Variants in NCOA3 observed in about 807,000 individuals in gnomAD.
NCOA3 encodes CBP-interacting protein.
NCOA3 carries 51 observed loss-of-function variants against 158.8 expected under a neutral mutation model. The ratio of observed to expected loss-of-function variants is 0.32; its 90% confidence interval spans 0.26 to 0.41. The LOEUF (loss-of-function observed/expected upper bound fraction) is 0.41. Among genes scored for constraint, NCOA3 ranks in the 10% least tolerant of loss-of-function variants. The pLI is 1.00. For missense variants in NCOA3, 1,510 were observed against 1,746.6 expected (o/e 0.86, Z 2.41); for synonymous variants, 537 against 592.4 (o/e 0.91, Z 1.36).
chr20:47,608,489 A>G (rs2085986346), intron 2 of NCOA3, among the ~76,000 whole-genome samples: 2 of 151,944 alleles, frequency 1.3e-5, no homozygotes, highest in Admixed American at 1.3e-4. Context: ...AATTAAAAAA[A>G]TCAGCTGGGC....
intron 6 of NCOA3, among the ~76,000 whole-genome samples, 156 bp from the exon 7 acceptor site, chr20:47,627,405 T>C (rs1293696256): frequency 6.6e-6 from 1 of 152,216 alleles, no homozygotes; most frequent in African/African-American, 2.4e-5. Flanking sequence ...AAAGTTGAAA[T>C]TATTCACATG....
At chr20:47,599,669 A>G (rs1485341565) in intron 2 of NCOA3, among the ~76,000 whole-genome samples, 1 of 152,224 alleles carries the variant, frequency 6.6e-6, no homozygotes, top group Non-Finnish European at 1.5e-5. Context: ...AAGGTTTCCT[A>G]TCTCAAACAT....
chr20:47,504,247 C>CA (rs1444715385), intron 1 of NCOA3, among the ~76,000 whole-genome samples: 1 of 152,094 alleles, frequency 6.6e-6, no homozygotes, highest in Non-Finnish European at 1.5e-5. Context: ...TTATGCTGTG[C>CA]ATTTCCTTCT....
intron 2 of NCOA3, among the ~76,000 whole-genome samples, chr20:47,605,889 A>G (rs904628402): frequency 2.3e-4 from 35 of 152,324 alleles, no homozygotes; most frequent in African/African-American, 7.9e-4. Context: ...GGAAGTCTCC[A>G]TGTTCTTTTG....
chr20:47,651,860 G>C lies in NCOA3; in HGVS notation c.3947-546G>C, dbSNP rs2086799887. 4.0e-5 allele frequency among the ~76,000 whole-genome samples: 6 copies of C among 151,820 alleles called. No homozygotes were observed. In the South Asian group the frequency reaches 1.3e-3, roughly 32 times the overall value. On this transcript the variant is annotated intron_variant, in intron 20 of 22. Transcript: ENST00000371998. ...TTTTTAAATTTTTAATAGAGACGGG[G>C]TTTCACTGTGTTAGCCAGGATGGTC...
chr20:47,601,406 A>G (rs1424859547), intron 2 of NCOA3, among the ~76,000 whole-genome samples: 1 of 152,254 alleles, frequency 6.6e-6, no homozygotes, highest in Non-Finnish European at 1.5e-5. Flanking sequence ...AGCAAAGACC[A>G]AAGGTTATGG....
At chr20:47,635,169 T>G (rs1410545337) in intron 10 of NCOA3, among the ~76,000 whole-genome samples, 153 bp from the exon 11 acceptor site, 3 of 152,182 alleles carry the variant, frequency 2.0e-5, no homozygotes, top group Non-Finnish European at 4.4e-5. Context: ...GCTCAAGTGA[T>G]CCTCCTGCCT....
intron 1 of NCOA3, among the ~76,000 whole-genome samples, chr20:47,522,356 C>T (rs2084354852): frequency 6.6e-6 from 1 of 150,898 alleles, no homozygotes; most frequent in African/African-American, 2.4e-5. Context: ...CCCGCGTCGG[C>T]AAAGTGCTGG....
chr20:47,575,859 G>T (rs886971134), intron 1 of NCOA3, among the ~76,000 whole-genome samples: 3 of 152,196 alleles, frequency 2.0e-5, no homozygotes, highest in Non-Finnish European at 4.4e-5. Context: ...AGTTAATACA[G>T]CGATTTCACT....
intron 2 of NCOA3, among the ~76,000 whole-genome samples, chr20:47,599,036 C>G (rs533032421): frequency 5.9e-5 from 9 of 152,132 alleles, no homozygotes; most frequent in Non-Finnish European, 1.2e-4. Context: ...AGGTTTGTTG[C>G]GTAGGAGCTG....
At chr20:47,573,912 T>G (rs189856716) in intron 1 of NCOA3, among the ~76,000 whole-genome samples, 1 of 152,184 alleles carries the variant, frequency 6.6e-6, no homozygotes. Flanking sequence ...ACATACAGAA[T>G]GCTCCGTGGC....
In NCOA3 at chr20:47,558,115, C is replaced by T. The variant is rs138841342; in HGVS notation, c.-98-25068C>T. ...TCTTGTTGCCCAGGCTCGAGTGCAA[C>T]GGCGCAATCTCGGCTCACTGCAACC... On this transcript the variant is annotated intron_variant, in intron 1 of 22. Transcript: ENST00000371998. 7.3e-3 allele frequency among the ~76,000 whole-genome samples: 1,088 copies of T among 148,502 alleles called. 14 individuals carry two copies. Among genetic ancestry groups the T allele is most frequent in the African/African-American group, 0.025 (1,024 of 40,274 alleles).
At position 47,621,967 on chromosome 20, in the gene NCOA3, G is replaced by A. The variant is rs573348022; in HGVS notation, c.-19-262G>A. ...GCTGGGACTACAGGCATGAGCTACCGCACCCTGCAAGATACACATTTTTAG... is the reference window on the plus strand; with the variant it reads ...GCTGGGACTACAGGCATGAGCTACCACACCCTGCAAGATACACATTTTTAG... On this transcript the variant is annotated intron_variant, in intron 2 of 22. Transcript: ENST00000371998. Among the ~76,000 whole-genome samples the A allele has an allele frequency of 1.2e-4, 18 of 152,090 alleles. No homozygotes were observed. In the East Asian group the frequency reaches 2.5e-3, roughly 21 times the overall value.
chr20:47,609,910 T>C (rs896579989), intron 2 of NCOA3, among the ~76,000 whole-genome samples: 2 of 152,186 alleles, frequency 1.3e-5, no homozygotes, highest in Non-Finnish European at 2.9e-5. Context: ...ATTTCTTCCC[T>C]GAAGCAATCT....
chr20:47,530,225 A>G (rs1469517903), intron 1 of NCOA3, among the ~76,000 whole-genome samples: 2 of 152,190 alleles, frequency 1.3e-5, no homozygotes, highest in East Asian at 3.8e-4. Flanking sequence ...TGATTGTTTC[A>G]AATGGTTTTG....
rs771780399 is a variant in NCOA3, at chr20:47,635,605, C to T, written c.1396C>T (p.Pro466Ser). The change falls in exon 11 of 23, where the codon CCC becomes TCC. Residue 466 changes from proline (P) to serine (S), a missense_variant. Pro to Ser is a moderately conservative substitution (Grantham distance 74). This residue lies in a region of NCOA3 where 1,017 missense variants were observed against 1,098.3 expected (regional missense o/e 0.93). Transcript: ENST00000371998. ...NNNYGLNMSS[P>S]PHGSPGLAPN... ...CAACTATGGGCTCAACATGAGTAGC[C>T]CCCCACATGGGAGTCCTGGTCTTGC... 1 of 1,614,118 alleles carries T rather than the reference C, an allele frequency of 6.2e-7. No individual in the cohort carries two copies. The highest frequency in any genetic ancestry group is 1.1e-5 in the South Asian group (1 of 91,076).
chr20:47,593,885 G>A (rs568913408), intron 2 of NCOA3, among the ~76,000 whole-genome samples: 1 of 152,182 alleles, frequency 6.6e-6, no homozygotes, highest in Non-Finnish European at 1.5e-5. Context: ...CTTAGTTGTA[G>A]TAACCGTATA....
At chr20:47,612,651 A>G (rs1267774793) in intron 2 of NCOA3, among the ~76,000 whole-genome samples, 1 of 152,264 alleles carries the variant, frequency 6.6e-6, no homozygotes, top group African/African-American at 2.4e-5. Flanking sequence ...CAGGTTGTTT[A>G]AACTGAAGCC....
chr20:47,544,787 A>G (rs1303952312), intron 1 of NCOA3, among the ~76,000 whole-genome samples: 1 of 152,148 alleles, frequency 6.6e-6, no homozygotes, highest in Non-Finnish European at 1.5e-5. Context: ...ACATATAGTC[A>G]TTATGTAGTA....
Sources: allele counts gnomAD v4.1 joint callset (sites outside exome capture counted in the v4.1 genomes callset), GRCh38; gene constraint gnomAD v4.1.1; regional missense constraint gnomAD v4.1.1; transcripts MANE v1.5; gene names NCBI Gene and HGNC (gene_info 2026-07-23, HGNC 2026-07-21).